PCDH15: variants seen among roughly 807,000 people sequenced by gnomAD.
The protein encoded by PCDH15 is protocadherin related 15.
In PCDH15, 129 loss-of-function variants were observed where a neutral mutation model predicts 178.5. The observed-to-expected ratio is 0.72, with a 90% CI of 0.63 to 0.84. The LOEUF (loss-of-function observed/expected upper bound fraction) is 0.84, where lower values mean the gene tolerates loss of function less well. Ranked by LOEUF, PCDH15 falls within the 40% of genes least tolerant of loss-of-function variation. The pLI, the probability that PCDH15 is intolerant of heterozygous loss-of-function variation, is 0.00. For missense variants in PCDH15, 2,230 were observed against 2,099.9 expected (o/e 1.06, Z -1.21); for synonymous variants, 800 against 732.0 (o/e 1.09, Z -1.50).
intron 26 of PCDH15, among the ~76,000 whole-genome samples, chr10:53,872,455 T>C (rs2079937631): frequency 6.6e-6 from 1 of 152,218 alleles, no homozygotes; most frequent in Non-Finnish European, 1.5e-5. Flanking sequence ...GCAAACTGCC[T>C]TTTGCTCCCA....
At chr10:54,957,460 C>T (rs1838518484) in intron 2 of PCDH15, among the ~76,000 whole-genome samples, 1 of 151,432 alleles carries the variant, frequency 6.6e-6, no homozygotes, top group South Asian at 2.1e-4. Flanking sequence ...TTTTTTCCTC[C>T]ACTTTCAAAC....
intron 6 of PCDH15, among the ~76,000 whole-genome samples, chr10:54,331,982 G>T (rs1426599843): frequency 1.3e-5 from 2 of 151,462 alleles, no homozygotes; most frequent in Non-Finnish European, 1.5e-5. Flanking sequence ...TCCCTTTTCA[G>T]GTTATAGAAG....
chr10:53,853,911 G>T (rs1285303295), intron 28 of PCDH15, among the ~76,000 whole-genome samples: 2 of 151,870 alleles, frequency 1.3e-5, no homozygotes, highest in Non-Finnish European at 1.5e-5. Flanking sequence ...CCACTTCTGA[G>T]AATGCACTCA....
At chr10:54,903,322 C>A (rs1318389554) in intron 2 of PCDH15, among the ~76,000 whole-genome samples, 1 of 152,024 alleles carries the variant, frequency 6.6e-6, no homozygotes, top group Non-Finnish European at 1.5e-5. Context: ...ATAGTCTTAG[C>A]AAAGCATTAC....
At chr10:55,143,010 C>T (rs1035821345) in intron 2 of PCDH15, among the ~76,000 whole-genome samples, 5 of 152,038 alleles carry the variant, frequency 3.3e-5, no homozygotes, top group Non-Finnish European at 5.9e-5. Flanking sequence ...TTCTCCCTTG[C>T]TGTTATCATG....
At chr10:54,799,153 A>C (rs1952371912) in intron 1 of PCDH15, among the ~76,000 whole-genome samples, 1 of 152,122 alleles carries the variant, frequency 6.6e-6, no homozygotes, top group South Asian at 2.1e-4. Flanking sequence ...CTTTGATAAA[A>C]ATAATAATTA....
intron 2 of PCDH15, among the ~76,000 whole-genome samples, chr10:54,584,680 G>A (rs2091321676): frequency 6.6e-6 from 1 of 151,922 alleles, no homozygotes; most frequent in Non-Finnish European, 1.5e-5. Flanking sequence ...TATCCTCCTT[G>A]TAATTTTAAC....
At chr10:55,069,317 T>G (rs1841658242) in intron 2 of PCDH15, among the ~76,000 whole-genome samples, 1 of 150,418 alleles carries the variant, frequency 6.6e-6, no homozygotes. Context: ...AGGGTACATG[T>G]GCACAATGTG....
Position 54,833,317 on chromosome 10 carries a change from A to G in PCDH15, c.-29+64133T>C, listed in dbSNP as rs373827450. 5.3e-5 allele frequency among the ~76,000 whole-genome samples: 8 copies of G among 152,298 alleles called. No homozygotes were observed. In the East Asian group the frequency reaches 1.2e-3, roughly 22 times the overall value. On this transcript the variant is annotated intron_variant, in intron 3 of 5. Transcript: ENST00000458638. The stretch of plus-strand genomic sequence containing the variant: ...ATGCTGTCCATTTGTTTAGTTAAAC[A>G]TTAGATGTTTCTGTGAAGGCATTTT...
At chr10:54,624,201 A>G (rs1219186370) in intron 2 of PCDH15, among the ~76,000 whole-genome samples, 1 of 152,184 alleles carries the variant, frequency 6.6e-6, no homozygotes, top group Non-Finnish European at 1.5e-5. Flanking sequence ...AGAAATAAAT[A>G]AATAAATTAT....
At chr10:54,982,511 A>C (rs1395805017) in intron 2 of PCDH15, among the ~76,000 whole-genome samples, 2 of 152,178 alleles carry the variant, frequency 1.3e-5, no homozygotes, top group Non-Finnish European at 2.9e-5. Flanking sequence ...ATATTTTAGA[A>C]GAGAGAAACA....
In PCDH15 at chr10:54,823,206, A is replaced by AACACACACAC. The variant is rs4007188; in HGVS notation, c.-29+74234_-29+74243dup. Among the ~76,000 whole-genome samples, 503 of 149,010 alleles carry AACACACACAC rather than the reference A, an allele frequency of 3.4e-3. 2 individuals are homozygous for AACACACACAC. The highest frequency in any genetic ancestry group is 0.012 in the African/African-American group (477 of 40,662). The stretch of plus-strand genomic sequence containing the variant: ...ATATATTTTTTAAAACACCAGCATA[A>AACACACACAC]ACACACACACACACACACACGCACA... On this transcript the variant is annotated intron_variant, in intron 3 of 5. Coordinates refer to the PCDH15 transcript ENST00000458638.
At chr10:54,472,778 G>C (rs1252387434) in intron 3 of PCDH15, among the ~76,000 whole-genome samples, 1 of 152,150 alleles carries the variant, frequency 6.6e-6, no homozygotes, top group Non-Finnish European at 1.5e-5. Context: ...ATGGGAGCGA[G>C]CCTGGAAAGG....
chr10:54,447,418 C>T (rs141861482), intron 3 of PCDH15, among the ~76,000 whole-genome samples: 7 of 151,726 alleles, frequency 4.6e-5, no homozygotes, highest in African/African-American at 1.7e-4. Flanking sequence ...CTGATGATGA[C>T]CAATTAACTC....
intron 9 of PCDH15, among the ~76,000 whole-genome samples, chr10:54,220,849 TA>T (rs1249806017): frequency 1.3e-5 from 2 of 148,982 alleles, no homozygotes; most frequent in African/African-American, 5.0e-5. Flanking sequence ...AATAAATAAA[TA>T]AATAAATAAA....
Position 55,598,139 on chromosome 10 carries a change from C to T in PCDH15, c.-156+29486G>A, listed in dbSNP as rs565992326. On this transcript the variant is annotated intron_variant, in intron 2 of 5. Coordinates refer to the PCDH15 transcript ENST00000613346. Reference sequence around the variant, plus strand: ...GGTTGGTAAATTTTGTGCCAGCCACCGCGGCCATACGATTAACCCAAGCTA... The same window carrying T: ...GGTTGGTAAATTTTGTGCCAGCCACTGCGGCCATACGATTAACCCAAGCTA... 2.0e-5 allele frequency among the ~76,000 whole-genome samples: 3 copies of T among 152,052 alleles called. No individual in the cohort carries two copies. In the South Asian group the frequency reaches 6.2e-4, roughly 32 times the overall value.
intron 15 of PCDH15, among the ~76,000 whole-genome samples, chr10:54,107,761 G>C (rs2136218275): frequency 6.6e-6 from 1 of 152,220 alleles, no homozygotes; most frequent in Middle Eastern, 3.4e-3. Flanking sequence ...AAGAATCAGA[G>C]CCTGGGTGGG....
rs957073883 is a variant in PCDH15 at position 54,785,216 on chromosome 10, G to GA, written c.-29+15708dup. On this transcript the variant is annotated intron_variant, in intron 1 of 37. Coordinates refer to ENST00000644397, the MANE Select transcript of PCDH15 (RefSeq NM_001384140.1). ...CTTGTTCTCAAACTTTTGGTGATCA[G>GA]AAAAAAAAAATAACTTTATTTTTTT... Among the ~76,000 whole-genome samples, 191 of 148,440 alleles carry GA rather than the reference G, an allele frequency of 1.3e-3. 1 individual carries two copies. In the East Asian group the frequency reaches 0.014, roughly 11 times the overall value.
At chr10:55,264,550 C>T (rs1329675933) in intron 1 of PCDH15, among the ~76,000 whole-genome samples, 1 of 152,128 alleles carries the variant, frequency 6.6e-6, no homozygotes, top group Non-Finnish European at 1.5e-5. Flanking sequence ...AGGGAGGACG[C>T]TTGCTTTATC....
Sources: gnomAD v4.1 joint callset for allele counts (sites outside exome capture counted in the v4.1 genomes callset) on GRCh38, gnomAD v4.1.1 for gene constraint, MANE v1.5 for transcripts, NCBI Gene and HGNC (gene_info 2026-07-23, HGNC 2026-07-21) for gene names.